MAPKAP1: variants seen among roughly 807,000 people sequenced by gnomAD.
The protein encoded by MAPKAP1 is target of rapamycin complex 2 subunit MAPKAP1.
MAPKAP1 carries 20 observed loss-of-function variants against 65.7 expected under a neutral mutation model. The observed-to-expected ratio is 0.30, with a 90% CI of 0.21 to 0.44. MAPKAP1 has a LOEUF of 0.44. Ranked by LOEUF, MAPKAP1 falls within the 20% of genes least tolerant of loss-of-function variation. The pLI is 1.00. For missense variants in MAPKAP1, 423 were observed against 648.0 expected (o/e 0.65, Z 3.77); for synonymous variants, 222 against 244.3 (o/e 0.91, Z 0.85).
intron 4 of MAPKAP1, among the ~76,000 whole-genome samples, chr9:125,654,805 T>C (rs1833985495): frequency 6.6e-6 from 1 of 152,172 alleles, no homozygotes; most frequent in Non-Finnish European, 1.5e-5. Flanking sequence ...AATGTAACAG[T>C]AAAGCCATAG....
intron 8 of MAPKAP1, among the ~76,000 whole-genome samples, chr9:125,492,818 T>C (rs1193390004): frequency 6.6e-6 from 1 of 152,228 alleles, no homozygotes; most frequent in African/African-American, 2.4e-5. Flanking sequence ...CAGTGGCCTC[T>C]GTTATATCCT....
At chr9:125,694,085 T>C (rs1359365891) in intron 1 of MAPKAP1, among the ~76,000 whole-genome samples, 1 of 151,994 alleles carries the variant, frequency 6.6e-6, no homozygotes, top group Non-Finnish European at 1.5e-5. Context: ...TCCCAGCACT[T>C]TGGGAGGCCG....
chr9:125,692,994 C>G (rs1835214050), intron 1 of MAPKAP1, among the ~76,000 whole-genome samples: 1 of 152,190 alleles, frequency 6.6e-6, no homozygotes, highest in Non-Finnish European at 1.5e-5. Context: ...GAAATCCCAT[C>G]AGAACTTCTG....
chr9:125,684,912 G>A (rs1167948452), intron 1 of MAPKAP1, among the ~76,000 whole-genome samples: 4 of 152,202 alleles, frequency 2.6e-5, no homozygotes, highest in East Asian at 3.9e-4. Flanking sequence ...GGATTCCAGC[G>A]ATCCTCCCCA....
intron 9 of MAPKAP1, among the ~76,000 whole-genome samples, chr9:125,476,505 G>A (rs1014309869): frequency 3.9e-5 from 6 of 152,084 alleles, no homozygotes; most frequent in African/African-American, 1.4e-4. Context: ...GAACACGCAT[G>A]TTCAGATTAT....
intron 10 of MAPKAP1, among the ~76,000 whole-genome samples, chr9:125,454,451 A>G (rs192741873): frequency 1.1e-4 from 17 of 152,330 alleles, no homozygotes; most frequent in Admixed American, 9.1e-4. Flanking sequence ...AGCTAGGGTA[A>G]CCTTTGTGCA....
chr9:125,467,348 C>T (rs948303098), intron 10 of MAPKAP1, among the ~76,000 whole-genome samples: 1 of 152,154 alleles, frequency 6.6e-6, no homozygotes, highest in Non-Finnish European at 1.5e-5. Context: ...TACTTAACTG[C>T]AAAAGTATAA....
At chr9:125,608,379 G>A (rs1252316318) in intron 4 of MAPKAP1, among the ~76,000 whole-genome samples, 3 of 152,150 alleles carry the variant, frequency 2.0e-5, no homozygotes, top group Non-Finnish European at 4.4e-5. Context: ...CAAGGGAAAT[G>A]GCACTGACAG....
At chr9:125,530,767 C>G (rs1388155034) in intron 7 of MAPKAP1, among the ~76,000 whole-genome samples, 1 of 152,206 alleles carries the variant, frequency 6.6e-6, no homozygotes, top group Non-Finnish European at 1.5e-5. Context: ...TTTCTATAGA[C>G]TTAATTCACT....
At chr9:125,554,244 T>G (rs182342282) in intron 6 of MAPKAP1, among the ~76,000 whole-genome samples, 5 of 152,316 alleles carry the variant, frequency 3.3e-5, no homozygotes, top group Admixed American at 3.3e-4. Flanking sequence ...GTCTTGCTGG[T>G]CTCTGAAAAA....
At chr9:125,502,092 TTTC>T (rs1028852883) in intron 8 of MAPKAP1, among the ~76,000 whole-genome samples, 54 of 152,210 alleles carry the variant, frequency 3.5e-4, no homozygotes, top group African/African-American at 1.2e-3. Flanking sequence ...CTATTCAGCC[TTTC>T]TTCTTCTTTT....
intron 8 of MAPKAP1, 73 bp downstream of exon 8, chr9:125,506,237 C>T (rs774781203): frequency 7.0e-6 from 9 of 1,284,230 alleles, no homozygotes; most frequent in African/African-American, 1.5e-5. Context: ...GACCAGTGAG[C>T]GTTTCCAAAC....
intron 1 of MAPKAP1, among the ~76,000 whole-genome samples, chr9:125,693,463 G>GTA (rs1488183067): frequency 7.5e-6 from 1 of 133,382 alleles, no homozygotes; most frequent in Non-Finnish European, 1.6e-5. Context: ...ACACATACAT[G>GTA]TATATATACA....
At chr9:125,555,776 G>A (rs1830719176) in intron 6 of MAPKAP1, among the ~76,000 whole-genome samples, 1 of 152,222 alleles carries the variant, frequency 6.6e-6, no homozygotes, top group Non-Finnish European at 1.5e-5. Context: ...GTGCTCATAA[G>A]AGGACTCATT....
At chr9:125,653,499 A>T (rs778764691) in intron 4 of MAPKAP1, among the ~76,000 whole-genome samples, 2 of 152,152 alleles carry the variant, frequency 1.3e-5, no homozygotes, top group Non-Finnish European at 2.9e-5. Context: ...GCAGAGGGAG[A>T]ACATGTCTCA....
chr9:125,587,897 A>C (rs1264966787), intron 4 of MAPKAP1, among the ~76,000 whole-genome samples: 1 of 152,154 alleles, frequency 6.6e-6, no homozygotes, highest in Non-Finnish European at 1.5e-5. Context: ...CCAAACAACA[A>C]CCCAAAAAAC....
At chr9:125,604,792 C>T (rs1269880272) in intron 4 of MAPKAP1, among the ~76,000 whole-genome samples, 1 of 152,216 alleles carries the variant, frequency 6.6e-6, no homozygotes, top group Admixed American at 6.5e-5. Flanking sequence ...TAAAAAAACA[C>T]TACCAGTTGT....
intron 3 of MAPKAP1, among the ~76,000 whole-genome samples, chr9:125,665,655 A>C (rs535039296): frequency 6.6e-5 from 10 of 152,314 alleles, no homozygotes; most frequent in South Asian, 6.2e-4. Flanking sequence ...ACAAAAAAAA[A>C]ACATAACTTT....
intron 4 of MAPKAP1, among the ~76,000 whole-genome samples, chr9:125,608,680 G>A (rs552546455): frequency 6.6e-5 from 10 of 152,264 alleles, no homozygotes; most frequent in Admixed American, 1.3e-4. Context: ...CTTTTCCGAC[G>A]CCTGCGCTCA....
Sources: allele counts gnomAD v4.1 joint callset (sites outside exome capture counted in the v4.1 genomes callset), GRCh38; gene constraint gnomAD v4.1.1; transcripts MANE v1.5; gene names NCBI Gene and HGNC (gene_info 2026-07-23, HGNC 2026-07-21).